The following BICD2 variants were observed in gnomAD, a reference collection of about 807,000 sequenced individuals.
BICD2 encodes the protein protein bicaudal D homolog 2.
In BICD2, 25 loss-of-function variants were observed where a neutral mutation model predicts 72.9. The observed-to-expected ratio is 0.34, with a 90% CI of 0.25 to 0.48. The LOEUF (loss-of-function observed/expected upper bound fraction) is 0.48, where lower values mean the gene tolerates loss of function less well. BICD2 is among the 20% of genes least tolerant of loss of function. The pLI is 0.99. For synonymous variants in BICD2, 501 were observed against 516.1 expected, an observed-to-expected ratio of 0.97 and a Z score of 0.40; for missense variants, 894 against 1,175.2, an observed-to-expected ratio of 0.76 and a Z score of 3.50.
At chr9:92,724,519 G>A (rs1564062762) in intron 2 of BICD2, among the ~76,000 whole-genome samples, 1 of 152,110 alleles carries the variant, frequency 6.6e-6, no homozygotes, top group Non-Finnish European at 1.5e-5. Flanking sequence ...ACCCAAGGAA[G>A]TGACAGAAAG....
At chr9:92,722,158 C>G (rs1853475580) in intron 3 of BICD2, among the ~76,000 whole-genome samples, 1 of 152,188 alleles carries the variant, frequency 6.6e-6, no homozygotes, top group Admixed American at 6.5e-5. Flanking sequence ...AGAAGGGACC[C>G]TCCTTATTCA....
chr9:92,719,890 G>A (rs1417123884), intron 4 of BICD2, among the ~76,000 whole-genome samples: 1 of 152,236 alleles, frequency 6.6e-6, no homozygotes, highest in Non-Finnish European at 1.5e-5. Context: ...GGCTGGGTGT[G>A]TAGTCGGGAA....
At chr9:92,728,525 T>C (rs1420347596) in intron 2 of BICD2, among the ~76,000 whole-genome samples, 1 of 152,212 alleles carries the variant, frequency 6.6e-6, no homozygotes, top group Non-Finnish European at 1.5e-5. Flanking sequence ...CTGGGGCTAC[T>C]GGCGGTGGTC....
Position 92,715,099 on chromosome 9 carries a change from T to C in BICD2, c.*55A>G, listed in dbSNP as rs1853274744. The C allele has an allele frequency of 3.3e-6, 5 of 1,525,924 alleles. No homozygotes were observed. The highest frequency in any genetic ancestry group is 4.4e-6 in the Non-Finnish European group (5 of 1,133,722). The allele number at this position is 1,525,924 out of a possible 1,614,324, so 94.5% of individuals were successfully genotyped here. ...CCTAGCACCGCCGTCCCGCTGCTGC[T>C]GGGTTAGTTGAGGTGAAGCAGATGT... On this transcript the variant is annotated 3_prime_UTR_variant, in exon 7 of 7. Coordinates refer to ENST00000356884, the MANE Select transcript of BICD2 (RefSeq NM_001003800.2).
chr9:92,718,296 C>T lies in BICD2; in HGVS notation c.2106+243G>A, dbSNP rs577567188. ...GGCAGTCACAGTGAGTCAAGGGCAG[C>T]GGCATTTCTCACTGGCTGAGCAGCT... On this transcript the variant is annotated intron_variant, in intron 5 of 6. Transcript: ENST00000356884. 3.1e-4 allele frequency among the ~76,000 whole-genome samples: 47 copies of T among 152,348 alleles called. No homozygotes were observed. The South Asian group carries it at 5.2e-3, about 17-fold the overall frequency.
intron 1 of BICD2, among the ~76,000 whole-genome samples, chr9:92,753,086 C>T (rs1854182821): frequency 2.6e-5 from 4 of 152,158 alleles, no homozygotes; most frequent in Admixed American, 2.6e-4. Context: ...GATCTTCCTC[C>T]CCCAAACCCA....
At chr9:92,744,213 C>T (rs58981053) in intron 1 of BICD2, among the ~76,000 whole-genome samples, 3,122 of 152,266 alleles carry the variant, frequency 0.021, 119 homozygotes, top group African/African-American at 0.07. Context: ...CATGTGGCAA[C>T]GAGTGCCAAT....
chr9:92,722,934 AG>A, intron 2 of BICD2, 126 bp from the exon 3 acceptor site: 1 of 1,185,870 alleles, frequency 8.4e-7, no homozygotes, highest in Non-Finnish European at 1.2e-6. Context: ...TGCAGGTGCC[AG>A]TGTGACTGCC....
At chr9:92,724,093 T>C (rs1233211878) in intron 2 of BICD2, among the ~76,000 whole-genome samples, 1 of 152,170 alleles carries the variant, frequency 6.6e-6, no homozygotes, top group Non-Finnish European at 1.5e-5. Context: ...TGCCTCCCTG[T>C]GTATCTGCAA....
intron 2 of BICD2, among the ~76,000 whole-genome samples, chr9:92,726,440 C>CCATG (rs1169705903): frequency 2.0e-5 from 3 of 152,026 alleles, no homozygotes; most frequent in African/African-American, 7.3e-5. Flanking sequence ...CCTTTCTGAC[C>CCATG]CATGGGGTGT....
chr9:92,737,973 T>C (rs961284001), intron 1 of BICD2, among the ~76,000 whole-genome samples: 2 of 152,206 alleles, frequency 1.3e-5, no homozygotes, highest in African/African-American at 4.8e-5. Context: ...TTTCCCTCCC[T>C]CCTCAGCCAC....
chr9:92,763,221 C>A (rs1267112126), intron 1 of BICD2, among the ~76,000 whole-genome samples: 1 of 152,180 alleles, frequency 6.6e-6, no homozygotes, highest in Non-Finnish European at 1.5e-5. Flanking sequence ...TCATTCTCTG[C>A]TCTCCACAGA....
intron 1 of BICD2, among the ~76,000 whole-genome samples, chr9:92,740,426 T>C (rs1248707439): frequency 6.6e-6 from 1 of 151,486 alleles, no homozygotes; most frequent in Non-Finnish European, 1.5e-5. Context: ...ATATCTGTAT[T>C]AGAGAAGGTA....
chr9:92,755,017 A>T (rs7850871), intron 1 of BICD2, among the ~76,000 whole-genome samples: 1 of 152,130 alleles, frequency 6.6e-6, no homozygotes, highest in East Asian at 1.9e-4. Flanking sequence ...GAACAGAGCC[A>T]TATTTCTCTT....
Position 92,757,312 on chromosome 9 carries a change from CAAAAAAAA to C in BICD2, c.240+7185_240+7192del, listed in dbSNP as rs1169381290. ...CTGGGCGACAGAACGAGACTGTCTC[CAAAAAAAA>C]AAAAAAAAAAAAAAAAAAATTGAGA... is the stretch of plus-strand genomic sequence containing the variant. On this transcript the variant is annotated intron_variant, in intron 1 of 6. Coordinates refer to ENST00000356884, the MANE Select transcript of BICD2 (RefSeq NM_001003800.2). Among the ~76,000 whole-genome samples, 477 of 52,720 alleles carry C rather than the reference CAAAAAAAA, an allele frequency of 9.0e-3. 2 individuals are homozygous for C. The highest frequency in any genetic ancestry group is 0.01 in the African/African-American group (111 of 11,068). 34.6% of individuals were successfully genotyped at this position (52,720 alleles called of 152,430 possible).
intron 1 of BICD2, among the ~76,000 whole-genome samples, chr9:92,760,894 A>G (rs1587694103): frequency 6.6e-6 from 1 of 152,234 alleles, no homozygotes; most frequent in East Asian, 1.9e-4. Context: ...AGAATCCCAC[A>G]CTTGCTTTAA....
intron 1 of BICD2, among the ~76,000 whole-genome samples, chr9:92,742,185 G>C (rs1853910047): frequency 6.6e-6 from 1 of 152,022 alleles, no homozygotes; most frequent in Admixed American, 6.6e-5. Context: ...AAATCTTCTG[G>C]GGATTACTTC....
chr9:92,749,333 G>A lies in BICD2; in HGVS notation c.240+15172C>T, dbSNP rs143044772. On this transcript the variant is annotated intron_variant, in intron 1 of 6. Coordinates refer to ENST00000356884, the MANE Select transcript of BICD2 (RefSeq NM_001003800.2). The stretch of plus-strand genomic sequence containing the variant: ...GTCCCTCACACCACAGGAGGCTGAG[G>A]GGCACTGGCCCACCCTTCCTACTGG... 7.9e-3 allele frequency among the ~76,000 whole-genome samples: 1,196 copies of A among 152,322 alleles called. 15 individuals carry two copies. Among genetic ancestry groups the A allele is most frequent in the African/African-American group, 0.027 (1,120 of 41,564 alleles).
chr9:92,748,550 T>C (rs936127170), intron 1 of BICD2, among the ~76,000 whole-genome samples: 1 of 151,910 alleles, frequency 6.6e-6, no homozygotes, highest in African/African-American at 2.4e-5. Flanking sequence ...AAGCCAGAAA[T>C]AGACCTGTTG....
Sources: allele counts gnomAD v4.1 joint callset (sites outside exome capture counted in the v4.1 genomes callset), GRCh38; gene constraint gnomAD v4.1.1; transcripts MANE v1.5; gene names NCBI Gene and HGNC (gene_info 2026-07-23, HGNC 2026-07-21).